CACNA2D3: variants seen among roughly 807,000 people sequenced by gnomAD.
The protein encoded by CACNA2D3 is voltage-dependent calcium channel subunit alpha-2/delta-3.
In CACNA2D3, 60 loss-of-function variants were observed where a neutral mutation model predicts 160.6. That is an observed-to-expected ratio of 0.37 (90% CI 0.30 to 0.46). CACNA2D3 has a LOEUF of 0.46. CACNA2D3 is among the 20% of genes least tolerant of loss of function. CACNA2D3 has a pLI of 1.00. For missense variants in CACNA2D3, 1,205 were observed against 1,365.0 expected (o/e 0.88, Z 1.85); for synonymous variants, 558 against 492.9 (o/e 1.13, Z -1.75).
chr3:54,911,273 C>T (rs1413966384), intron 27 of CACNA2D3, among the ~76,000 whole-genome samples: 1 of 149,412 alleles, frequency 6.7e-6, no homozygotes, highest in Non-Finnish European at 1.5e-5. Flanking sequence ...GATCTTCTTC[C>T]TCTTCTTCTT....
chr3:54,870,737 G>A (rs930577327), intron 17 of CACNA2D3, among the ~76,000 whole-genome samples: 4 of 152,120 alleles, frequency 2.6e-5, no homozygotes, highest in African/African-American at 9.7e-5. Context: ...ATTACATCTG[G>A]CTATGATTCC....
intron 11 of CACNA2D3, among the ~76,000 whole-genome samples, chr3:54,683,830 A>C (rs965302888): frequency 6.6e-6 from 1 of 151,988 alleles, no homozygotes; most frequent in South Asian, 2.1e-4. Context: ...AGTTTGTTCC[A>C]TGCATTGCTC....
intron 2 of CACNA2D3, among the ~76,000 whole-genome samples, chr3:54,318,641 C>A (rs1703920697): frequency 6.6e-6 from 1 of 151,000 alleles, no homozygotes; most frequent in Admixed American, 6.6e-5. Flanking sequence ...TACGGGGTTG[C>A]TGGGGAGTCC....
At chr3:54,296,563 CTG>C (rs1453129909) in intron 2 of CACNA2D3, among the ~76,000 whole-genome samples, 9 of 152,202 alleles carry the variant, frequency 5.9e-5, no homozygotes, top group Non-Finnish European at 1.2e-4. Flanking sequence ...CTTTTATTCA[CTG>C]TGTTTTCCAA....
At chr3:54,510,571 T>G (rs11923090) in intron 5 of CACNA2D3, among the ~76,000 whole-genome samples, 12,509 of 152,170 alleles carry the variant, frequency 0.082, 631 homozygotes, top group Middle Eastern at 0.13. Flanking sequence ...CTGGTTCCCT[T>G]TTCACCTGGG....
chr3:54,216,086 G>A (rs904020013), intron 2 of CACNA2D3, among the ~76,000 whole-genome samples: 18 of 151,982 alleles, frequency 1.2e-4, no homozygotes, highest in Non-Finnish European at 2.5e-4. Flanking sequence ...GAGCTTGTGC[G>A]CTGTGTTCCT....
chr3:54,591,611 A>G (rs1702862431), intron 9 of CACNA2D3, among the ~76,000 whole-genome samples: 1 of 151,222 alleles, frequency 6.6e-6, no homozygotes, highest in African/African-American at 2.4e-5. Flanking sequence ...CATCCACAAA[A>G]CACTGAAAAC....
At chr3:54,706,287 A>T (rs1700856727) in intron 11 of CACNA2D3, among the ~76,000 whole-genome samples, 1 of 152,218 alleles carries the variant, frequency 6.6e-6, no homozygotes, top group Admixed American at 6.5e-5. Flanking sequence ...ACATTTCAAT[A>T]GAAGGTTAGC....
chr3:54,749,667 T>A (rs1247891891), intron 11 of CACNA2D3, among the ~76,000 whole-genome samples: 4 of 152,232 alleles, frequency 2.6e-5, no homozygotes, highest in Non-Finnish European at 5.9e-5. Context: ...AAGGCATTAC[T>A]GTGAGAGATG....
chr3:54,221,900 G>A (rs1246285791), intron 2 of CACNA2D3, among the ~76,000 whole-genome samples: 1 of 151,846 alleles, frequency 6.6e-6, no homozygotes, highest in Admixed American at 6.6e-5. Context: ...CCAGGCTGGA[G>A]TGCAGTGGTG....
intron 2 of CACNA2D3, among the ~76,000 whole-genome samples, chr3:54,165,684 A>G (rs1363201263): frequency 6.8e-6 from 1 of 147,924 alleles, no homozygotes. Context: ...CTGAGGTGGG[A>G]GGATTGCTTG....
chr3:54,600,069 G>A (rs1703034437), intron 9 of CACNA2D3, among the ~76,000 whole-genome samples: 1 of 152,220 alleles, frequency 6.6e-6, no homozygotes. Flanking sequence ...GGTTGGAGCT[G>A]AAGGCATTTC....
chr3:54,841,438 C>T (rs1698818216), intron 16 of CACNA2D3, among the ~76,000 whole-genome samples: 2 of 152,170 alleles, frequency 1.3e-5, no homozygotes, highest in African/African-American at 2.4e-5. Context: ...GTAGATATGG[C>T]ATAAGTTAAC....
chr3:54,332,690 G>T (rs142264998), intron 3 of CACNA2D3, among the ~76,000 whole-genome samples: 1 of 152,130 alleles, frequency 6.6e-6, no homozygotes, highest in Non-Finnish European at 1.5e-5. Flanking sequence ...CTTGAGAGTA[G>T]AGGTGCAATT....
chr3:55,030,005 G>A (rs901025116), intron 35 of CACNA2D3, among the ~76,000 whole-genome samples: 1 of 152,174 alleles, frequency 6.6e-6, no homozygotes, highest in Non-Finnish European at 1.5e-5. Flanking sequence ...CCACTCTACA[G>A]TGAGAGTAGC....
intron 27 of CACNA2D3, among the ~76,000 whole-genome samples, chr3:54,959,906 T>G (rs1701990352): frequency 6.6e-6 from 1 of 152,080 alleles, no homozygotes. Context: ...GAAAAATGCT[T>G]CCAGATTACC....
At chr3:54,824,058 A>G (rs1176776932) in intron 14 of CACNA2D3, among the ~76,000 whole-genome samples, 2 of 152,212 alleles carry the variant, frequency 1.3e-5, no homozygotes, top group Non-Finnish European at 2.9e-5. Flanking sequence ...GGAAACCCAA[A>G]CTCTGTTGTA....
At chr3:54,541,018 CTGTAA>C (rs1701964315) in intron 5 of CACNA2D3, among the ~76,000 whole-genome samples, 5 of 152,232 alleles carry the variant, frequency 3.3e-5, no homozygotes, top group Middle Eastern at 3.4e-3. Flanking sequence ...TGGCTCACGC[CTGTAA>C]TCCCAGCACT....
chr3:54,466,304 GA>G (rs1700625266), intron 4 of CACNA2D3, among the ~76,000 whole-genome samples: 1 of 151,990 alleles, frequency 6.6e-6, no homozygotes, highest in African/African-American at 2.4e-5. Context: ...GAGAGAATTG[GA>G]AAAAAGTACT....
Sources: allele counts gnomAD v4.1 joint callset (sites outside exome capture counted in the v4.1 genomes callset), GRCh38; gene constraint gnomAD v4.1.1; transcripts MANE v1.5; gene names NCBI Gene and HGNC (gene_info 2026-07-23, HGNC 2026-07-21).